The following KLRG1 variants were observed in gnomAD, a reference collection of about 807,000 sequenced individuals.
KLRG1 encodes the protein killer cell lectin-like receptor subfamily G member 1.
KLRG1 carries 16 observed loss-of-function variants against 21.8 expected under a neutral mutation model. The ratio of observed to expected loss-of-function variants is 0.73; its 90% CI spans 0.50 to 1.11. KLRG1 has a LOEUF of 1.11. KLRG1 is among the 50% of genes most tolerant of loss of function. KLRG1 has a pLI of 0.00. For synonymous variants in KLRG1, 69 were observed against 75.9 expected (o/e 0.91, Z 0.47); for missense variants, 173 against 218.3 (o/e 0.79, Z 1.31).
At chr12:8,986,839 C>G (rs928606574), upstream of KLRG1, among the ~76,000 whole-genome samples, 1 of 152,086 alleles carries the variant, frequency 6.6e-6, no homozygotes, top group Non-Finnish European at 1.5e-5. Context: ...TAGTACCATA[C>G]CCCTAGAGCT....
the KLRG1 span, chr12:9,112,204 A>C: frequency 6.2e-7 from 1 of 1,613,888 alleles, no homozygotes; most frequent in South Asian, 1.1e-5. Context: ...AGACAACACG[A>C]AATTTCACTG....
At chr12:9,110,634 C>T in the KLRG1 span, among the ~76,000 whole-genome samples, 9 of 151,452 alleles carry the variant, frequency 5.9e-5, no homozygotes, top group African/African-American at 1.2e-4. Flanking sequence ...TAATCATTAT[C>T]ATGCACTGCA....
At chr12:9,152,261 T>A in the KLRG1 span, 1 of 1,613,220 alleles carries the variant, frequency 6.2e-7, no homozygotes, top group Non-Finnish European at 8.5e-7. Flanking sequence ...CCAGATACCA[T>A]CTTTACATCA....
the KLRG1 span, among the ~76,000 whole-genome samples, chr12:9,116,394 T>G: frequency 6.6e-6 from 1 of 152,186 alleles, no homozygotes; most frequent in Non-Finnish European, 1.5e-5. Flanking sequence ...TGGCACGAAT[T>G]AAACCAGTAG....
the KLRG1 span, chr12:9,101,659 G>C: frequency 6.2e-7 from 1 of 1,612,152 alleles, no homozygotes; most frequent in Non-Finnish European, 8.5e-7. Flanking sequence ...CAGGGACTAC[G>C]ATCCTTGTAA....
chr12:9,183,142 C>T, the KLRG1 span, among the ~76,000 whole-genome samples: 33 of 152,228 alleles, frequency 2.2e-4, no homozygotes, highest in Admixed American at 7.2e-4. Flanking sequence ...AAAATTAAGT[C>T]TAATACCCTT....
the KLRG1 span, among the ~76,000 whole-genome samples, chr12:9,186,345 C>T: frequency 6.6e-6 from 1 of 152,160 alleles, no homozygotes; most frequent in African/African-American, 2.4e-5. Flanking sequence ...AGAGCAGTTA[C>T]ACAAACAAGT....
the KLRG1 span, chr12:9,080,031 G>A: frequency 9.1e-7 from 1 of 1,096,644 alleles, no homozygotes. Context: ...AATATTTATG[G>A]GAAATAAAAA....
chr12:9,060,839 C>G, the KLRG1 span, among the ~76,000 whole-genome samples: 1 of 152,080 alleles, frequency 6.6e-6, no homozygotes, highest in African/African-American at 2.4e-5. Flanking sequence ...TCTTTTTCGT[C>G]ACGTGAAGAC....
chr12:9,123,706 A>G, the KLRG1 span, among the ~76,000 whole-genome samples: 2 of 144,188 alleles, frequency 1.4e-5, no homozygotes, highest in Non-Finnish European at 2.9e-5. Context: ...TCTTGCATAA[A>G]GCACATCAGC....
the KLRG1 span, among the ~76,000 whole-genome samples, chr12:9,179,009 C>G: frequency 5.9e-5 from 9 of 152,082 alleles, no homozygotes; most frequent in Non-Finnish European, 1.2e-4. Context: ...ATAATACCTC[C>G]CAAACAGATA....
intron 3 of KLRG1, among the ~76,000 whole-genome samples, chr12:8,997,007 G>C (rs1046627445): frequency 6.6e-6 from 1 of 152,070 alleles, no homozygotes. Context: ...AGGTGAGGAG[G>C]GAAAGGATGA....
At chr12:9,009,383 G>A (rs762731365) in intron 4 of KLRG1, 43 bp from the exon 5 acceptor site, 4 of 1,609,148 alleles carry the variant, frequency 2.5e-6, no homozygotes, top group South Asian at 2.2e-5. Flanking sequence ...CTCCTTTTCT[G>A]TGCATGCGGC....
the KLRG1 span, among the ~76,000 whole-genome samples, chr12:9,050,529 T>C: frequency 6.6e-6 from 1 of 152,080 alleles, no homozygotes; most frequent in Non-Finnish European, 1.5e-5. Flanking sequence ...AGACCCAGGC[T>C]TCCTGCTCTA....
the KLRG1 span, among the ~76,000 whole-genome samples, chr12:9,100,916 G>C: frequency 2.0e-5 from 3 of 152,078 alleles, no homozygotes; most frequent in Non-Finnish European, 4.4e-5. Context: ...GGTGGAAGGG[G>C]GTGAGGGATA....
the KLRG1 span, chr12:9,077,985 CT>C: frequency 1.9e-6 from 2 of 1,031,932 alleles, no homozygotes; most frequent in Admixed American, 2.3e-5. Context: ...AGCTTATCTC[CT>C]TGATTAATCT....
the KLRG1 span, chr12:9,194,209 G>A: frequency 1.2e-6 from 2 of 1,613,928 alleles, no homozygotes; most frequent in Non-Finnish European, 1.7e-6. Flanking sequence ...TATTGGGGAT[G>A]GGCACACCTT....
the KLRG1 span, among the ~76,000 whole-genome samples, chr12:9,060,007 T>C: frequency 1.5e-5 from 2 of 133,908 alleles, no homozygotes; most frequent in African/African-American, 6.2e-5. Flanking sequence ...TTTTTTTTTT[T>C]TTTTTTTTTT....
At chr12:9,137,489 G>A in the KLRG1 span, among the ~76,000 whole-genome samples, 4 of 151,980 alleles carry the variant, frequency 2.6e-5, no homozygotes, top group African/African-American at 4.8e-5. Flanking sequence ...TCTTTCTCAA[G>A]ATTGATTTTG....
Sources: allele counts gnomAD v4.1 joint callset (sites outside exome capture counted in the v4.1 genomes callset), GRCh38; gene constraint gnomAD v4.1.1; transcripts MANE v1.5; gene names NCBI Gene and HGNC (gene_info 2026-07-23, HGNC 2026-07-21).